Variants in PSMC2 observed in about 807,000 individuals in gnomAD.
PSMC2 encodes 26S proteasome regulatory subunit 7.
PSMC2 carries 7 observed loss-of-function variants against 53.3 expected under a neutral mutation model. The ratio of observed to expected loss-of-function variants is 0.13; its 90% CI spans 0.07 to 0.25. The LOEUF is 0.25. Among genes scored for constraint, PSMC2 ranks in the 10% least tolerant of loss-of-function variants. The pLI is 1.00. For synonymous variants in PSMC2, 169 were observed against 183.9 expected, an observed-to-expected ratio of 0.92 and a Z score of 0.66; for missense variants, 241 against 544.0, an observed-to-expected ratio of 0.44 and a Z score of 5.54.
intron 4 of PSMC2, among the ~76,000 whole-genome samples, chr7:103,358,309 G>A (rs1820159442): frequency 6.6e-6 from 1 of 152,098 alleles, no homozygotes; most frequent in Non-Finnish European, 1.5e-5. Context: ...TCATGGTGAT[G>A]TGCCTTGGTG....
chr7:103,358,372 ATCT>A (rs1288644569), intron 4 of PSMC2, among the ~76,000 whole-genome samples: 3 of 152,042 alleles, frequency 2.0e-5, no homozygotes, highest in Non-Finnish European at 4.4e-5. Flanking sequence ...AGTAAGGCAA[ATCT>A]TCTTGAAACT....
At chr7:103,363,513 T>TGTATATTAGA in intron 7 of PSMC2, 74 bp downstream of exon 7, 3 of 1,302,404 alleles carry the variant, frequency 2.3e-6, no homozygotes, top group Non-Finnish European at 3.3e-6. Context: ...TAAAATTGCT[T>TGTATATTAGA]GTATATTAGA....
At chr7:103,355,230 T>C (rs1225753981) in intron 3 of PSMC2, among the ~76,000 whole-genome samples, 2 of 152,210 alleles carry the variant, frequency 1.3e-5, no homozygotes, top group Non-Finnish European at 2.9e-5. Context: ...AGTTAACAAG[T>C]CAAAAAACTT....
intron 4 of PSMC2, 133 bp downstream of exon 4, chr7:103,355,926 A>G: frequency 1.7e-6 from 1 of 591,198 alleles, no homozygotes; most frequent in African/African-American, 1.8e-5. Context: ...GCTTTCTACA[A>G]AACTGGGGTT....
intron 1 of PSMC2, 75 bp downstream of exon 1, chr7:103,347,856 G>A: frequency 1.3e-6 from 2 of 1,523,216 alleles, no homozygotes; most frequent in East Asian, 2.3e-5. Flanking sequence ...GAGAGGAGCT[G>A]GATTCCCGCT....
intron 4 of PSMC2, among the ~76,000 whole-genome samples, chr7:103,357,259 G>C (rs1294837320): frequency 6.6e-6 from 1 of 151,328 alleles, no homozygotes; most frequent in African/African-American, 2.4e-5. Flanking sequence ...CTGGGAGGCA[G>C]AGGTTGCAGT....
intron 6 of PSMC2, 24 bp downstream of exon 6, chr7:103,362,782 G>A: frequency 7.2e-7 from 1 of 1,382,162 alleles, no homozygotes; most frequent in Non-Finnish European, 1.0e-6. Flanking sequence ...GGAGGGAAAA[G>A]GAAGGCTATG....
At position 103,367,897 on chromosome 7, in the gene PSMC2, G is replaced by T; in HGVS notation, c.1145G>T (p.Gly382Val). Residue 382 changes from glycine to valine, a missense_variant and splice_region_variant, in exon 12 of 12, where the codon GGT becomes GTT. This residue lies in a region of PSMC2 where 60 missense variants were observed against 115.8 expected (regional missense o/e 0.52). Transcript: ENST00000292644. This position sits in a 1 kb window ranked among gnomAD's most constrained non-coding sequence, Gnocchi z 6.1. Reference protein sequence around the residue: ...LLARLCPNSTGAEIRSVCTEA... With the variant: ...LLARLCPNSTVAEIRSVCTEA... ...CGTTTATTTTCTTTTTGTTTGAAAG[G>T]TGCTGAGATTAGAAGCGTCTGCACA... 2 of 1,612,254 alleles carry T rather than the reference G, an allele frequency of 1.2e-6. No homozygotes were observed. Among genetic ancestry groups the T allele is most frequent in the South Asian group, 1.1e-5 (1 of 90,702 alleles).
rs577076706 is a variant in PSMC2, at chr7:103,348,853, A to T, written c.70+1072A>T. On this transcript the variant is annotated intron_variant, in intron 1 of 11. Transcript: ENST00000292644. Reference sequence around the variant, plus strand: ...TTCTTTGTACATAAAATAAACATTTAAAAAAATGAATAATCTTGTTTATGT... The same window carrying T: ...TTCTTTGTACATAAAATAAACATTTTAAAAAATGAATAATCTTGTTTATGT... The T allele has an allele frequency of 2.7e-5, 15 of 559,120 alleles. 1 individual carries two copies. The highest frequency in any genetic ancestry group is 2.1e-4 in the African/African-American group (11 of 52,776). The allele number at this position is 559,120 out of a possible 1,614,324, so 34.6% of individuals were successfully genotyped here.
rs117015485 is a variant in PSMC2, at chr7:103,348,899, G to A, written c.70+1118G>A. ...TATGTAACTTTTACCAAGTGCACAA[G>A]TACAAATTGTAGGATAAATTCTAGA... On this transcript the variant is annotated intron_variant, in intron 1 of 11. Coordinates refer to ENST00000292644, the MANE Select transcript of PSMC2 (RefSeq NM_002803.4). 450 of 467,762 alleles carry A rather than the reference G, an allele frequency of 9.6e-4. 1 individual carries two copies. Among genetic ancestry groups the A allele is most frequent in the Admixed American group, 3.0e-3 (92 of 31,066 alleles). The allele number at this position is 467,762 out of a possible 1,614,324, so 29.0% of individuals were successfully genotyped here. A position where few individuals can be genotyped will look rare whatever the true frequency, so the allele number is the denominator to read the frequency against.
rs1254318600 is a variant in PSMC2, at chr7:103,353,976, C to G, written c.108+18C>G. ...AAACTTATGTAAGTCCTTTCAGTGT[C>G]TACAAACTATAGATGTTTTATGTTG... On this transcript the variant is annotated intron_variant, in intron 2 of 11. Transcript: ENST00000292644. The G allele has an allele frequency of 1.0e-5, 16 of 1,554,926 alleles. No homozygotes were observed. The highest frequency in any genetic ancestry group is 1.2e-5 in the Non-Finnish European group (14 of 1,135,912).
chr7:103,367,821 G>C lies in PSMC2; in HGVS notation c.1144+12G>C. The C allele has an allele frequency of 6.2e-7, 1 of 1,612,084 alleles. No individual in the cohort carries two copies. The highest frequency in any genetic ancestry group is 1.1e-5 in the South Asian group (1 of 90,640). On this transcript the variant is annotated intron_variant, in intron 11 of 11. Transcript: ENST00000292644. This position sits in a 1 kb window ranked among gnomAD's most constrained non-coding sequence, Gnocchi z 6.1. ...TCCAAATAGCACTGGTAAGTAGAAAGTTCTTGCTTATATTTGCTGGTCTGT... is the reference window on the plus strand; with the variant it reads ...TCCAAATAGCACTGGTAAGTAGAAACTTCTTGCTTATATTTGCTGGTCTGT...
intron 1 of PSMC2, among the ~76,000 whole-genome samples, chr7:103,351,514 C>G (rs1309250099): frequency 6.6e-6 from 1 of 152,108 alleles, no homozygotes; most frequent in African/African-American, 2.4e-5. Flanking sequence ...TAGAACATAC[C>G]AAAATTCTAG....
intron 1 of PSMC2, among the ~76,000 whole-genome samples, chr7:103,351,168 G>A (rs1013249681): frequency 1.3e-5 from 2 of 152,142 alleles, no homozygotes; most frequent in African/African-American, 4.8e-5. Context: ...GGATATGCCG[G>A]TGTGTTGGAT....
chr7:103,358,620 A>T (rs1370954300), intron 4 of PSMC2, among the ~76,000 whole-genome samples: 1 of 151,094 alleles, frequency 6.6e-6, no homozygotes, highest in East Asian at 1.9e-4. Context: ...AGGTAAAAAA[A>T]CTCAGGTTTT....
At chr7:103,362,797 T>A in intron 6 of PSMC2, 39 bp downstream of exon 6, 3 of 965,028 alleles carry the variant, frequency 3.1e-6, no homozygotes, top group Non-Finnish European at 4.4e-6. Flanking sequence ...GCTATGTCTT[T>A]TTTTTTTTTT....
intron 1 of PSMC2, among the ~76,000 whole-genome samples, chr7:103,352,478 C>G (rs890440564): frequency 1.4e-5 from 2 of 147,248 alleles, no homozygotes; most frequent in Non-Finnish European, 3.0e-5. Flanking sequence ...GGCACAATCT[C>G]AGCTTGCTGT....
At position 103,369,160 on chromosome 7, in the gene PSMC2, T is replaced by A. The variant is rs1184173603; in HGVS notation, c.*1106T>A. 6.6e-6 allele frequency: 1 copy of A among 152,236 alleles called. No homozygotes were observed. Among genetic ancestry groups the A allele is most frequent in the African/African-American group, 2.4e-5 (1 of 41,476 alleles). 9.4% of individuals were successfully genotyped at this position (152,236 alleles called of 1,614,324 possible). On this transcript the variant is annotated 3_prime_UTR_variant, in exon 12 of 12. Transcript: ENST00000292644. ...TGAAATACTTAAAATTATGAAAGTT[T>A]TCAAGTAAAGAAATTAAAGCCTTTT...
chr7:103,362,239 C>A, intron 5 of PSMC2, 151 bp downstream of exon 5: 2 of 1,439,896 alleles, frequency 1.4e-6, no homozygotes, highest in Non-Finnish European at 1.8e-6. Flanking sequence ...ATTCTGTCTT[C>A]TGCATCTGCT....
Sources: gnomAD v4.1 joint callset for allele counts (sites outside exome capture counted in the v4.1 genomes callset) on GRCh38, gnomAD v4.1.1 for gene constraint, gnomAD v4.1.1 regional missense constraint, Gnocchi (gnomAD v3.1) non-coding constraint, MANE v1.5 for transcripts, NCBI Gene and HGNC (gene_info 2026-07-23, HGNC 2026-07-21) for gene names.